The following ZNF84 variants were observed in gnomAD, a reference collection of about 807,000 sequenced individuals.
ZNF84 encodes the protein zinc finger protein HPF2.
ZNF84 carries 12 observed loss-of-function variants against 14.8 expected under a neutral mutation model. The ratio of observed to expected loss-of-function variants is 0.81; its 90% CI spans 0.52 to 1.31. ZNF84 has a LOEUF of 1.31. Ranked by LOEUF, ZNF84 falls within the 50% of genes most tolerant of loss-of-function variation. The pLI is 0.00. For missense variants in ZNF84, 859 were observed against 878.6 expected, an observed-to-expected ratio of 0.98 and a Z score of 0.28; for synonymous variants, 347 against 291.1, an observed-to-expected ratio of 1.19 and a Z score of -1.96.
chr12:133,038,424 G>A (rs1953826811), intron 1 of ZNF84, among the ~76,000 whole-genome samples: 1 of 150,414 alleles, frequency 6.6e-6, no homozygotes, highest in Non-Finnish European at 1.5e-5. Flanking sequence ...GGCCCGGTGT[G>A]GTAGGGCATG....
chr12:133,050,016 T>G (rs1310433346), intron 4 of ZNF84, among the ~76,000 whole-genome samples: 2 of 152,220 alleles, frequency 1.3e-5, no homozygotes, highest in Admixed American at 6.5e-5. Context: ...CAGTTGAACC[T>G]CTTTACTCAT....
intron 2 of ZNF84, among the ~76,000 whole-genome samples, chr12:133,042,602 C>T (rs1953905937): frequency 6.6e-6 from 1 of 152,168 alleles, no homozygotes; most frequent in African/African-American, 2.4e-5. Flanking sequence ...AGTCTTGGAA[C>T]ATCTCCTTTG....
At position 133,057,634 on chromosome 12, in the gene ZNF84, A is replaced by G. The variant is rs1954184004; in HGVS notation, c.919A>G (p.Ile307Val). The G allele has an allele frequency of 3.1e-6, 5 of 1,613,730 alleles. No homozygotes were observed. The East Asian group carries it at 6.7e-5, about 22-fold the overall frequency. ...GKAFSRKSHL[I>V]SHWRTHTGEK... ...AGCCTTCTCCCGGAAGTCACATCTC[A>G]TATCGCATTGGAGAACACACACAGG... Residue 307 changes from isoleucine (I) to valine (V), a missense_variant, in exon 5 of 5, where the codon ATA becomes GTA. Physicochemically the swap from Ile to Val is conservative, Grantham distance 29. Coordinates refer to ENST00000539354, the MANE Select transcript of ZNF84 (RefSeq NM_001289971.2).
At chr12:133,055,994 A>T (rs1954149770) in intron 4 of ZNF84, among the ~76,000 whole-genome samples, 1 of 152,190 alleles carries the variant, frequency 6.6e-6, no homozygotes. Flanking sequence ...CCAACTACTC[A>T]GGCAGTTAAG....
At position 133,054,569 on chromosome 12, in the gene ZNF84, G is replaced by A. The variant is rs79241848; in HGVS notation, c.239-2385G>A. 1.3e-3 allele frequency among the ~76,000 whole-genome samples: 192 copies of A among 150,238 alleles called. 1 individual carries two copies. Among genetic ancestry groups the A allele is most frequent in the African/African-American group, 4.5e-3 (183 of 40,976 alleles). ...GATTTTAAAGTTCTGTGCCTGAATA[G>A]TTTAGATGAAAGATGATATGGTTTT... On this transcript the variant is annotated intron_variant, in intron 4 of 4. Transcript: ENST00000539354.
At chr12:133,052,858 TG>T (rs1954095917) in intron 4 of ZNF84, among the ~76,000 whole-genome samples, 1 of 152,208 alleles carries the variant, frequency 6.6e-6, no homozygotes, top group African/African-American at 2.4e-5. Flanking sequence ...TGGGGAAAAG[TG>T]TCTCCAAAAG....
In ZNF84 at chr12:133,058,938, C is replaced by T. The variant is rs1228245923; in HGVS notation, c.*6C>T. 6.3e-6 allele frequency: 10 copies of T among 1,585,464 alleles called. No homozygotes were observed. The highest frequency in any genetic ancestry group is 1.3e-5 in the African/African-American group (1 of 74,088). On this transcript the variant is annotated 3_prime_UTR_variant, in exon 5 of 5. Coordinates refer to ENST00000539354, the MANE Select transcript of ZNF84 (RefSeq NM_001289971.2). ...ATACAGTAAAAAAATCCTAGGAATA[C>T]AGTTAATAGTAGTCTTTGACAGATC...
rs1954174180 is a variant in ZNF84 at position 133,057,179 on chromosome 12, CAG to C, written c.466_467del (p.Asp156Ter). 2.5e-6 allele frequency: 4 copies of C among 1,611,216 alleles called. No individual in the cohort carries two copies. The highest frequency in any genetic ancestry group is 3.4e-6 in the Non-Finnish European group (4 of 1,179,384). On this transcript the variant is annotated frameshift_variant, in exon 5 of 5. Transcript: ENST00000539354. LOFTEE classifies it low-confidence loss of function (END_TRUNC). ...AAAGGAGATTATGGAAAAGCAGAAT[CAG>C]ATGACTTTAATGTGTTTGATAATTT...
At chr12:133,053,835 A>T (rs1015038868) in intron 4 of ZNF84, among the ~76,000 whole-genome samples, 1 of 152,116 alleles carries the variant, frequency 6.6e-6, no homozygotes, top group African/African-American at 2.4e-5. Flanking sequence ...ACCATAATCT[A>T]CCAAATTGTT....
At position 133,056,251 on chromosome 12, in the gene ZNF84, A is replaced by T. The variant is rs1003917787; in HGVS notation, c.239-703A>T. The stretch of plus-strand genomic sequence containing the variant: ...TATAATGACAGGAACTTATTTTTTT[A>T]TTTTTTATTTTTATTTTTTTGAGAT... On this transcript the variant is annotated intron_variant, in intron 4 of 4. Transcript: ENST00000539354. 8.5e-3 allele frequency among the ~76,000 whole-genome samples: 1,289 copies of T among 151,578 alleles called. 18 individuals are homozygous for T. Among genetic ancestry groups the T allele is most frequent in the African/African-American group, 0.028 (1,175 of 41,296 alleles).
chr12:133,055,954 A>G (rs1262513067), intron 4 of ZNF84, among the ~76,000 whole-genome samples: 1 of 152,178 alleles, frequency 6.6e-6, no homozygotes, highest in African/African-American at 2.4e-5. Context: ...AAAAAAAATT[A>G]TCTGGGCATG....
At chr12:133,056,121 A>G (rs940942323) in intron 4 of ZNF84, among the ~76,000 whole-genome samples, 5 of 152,218 alleles carry the variant, frequency 3.3e-5, no homozygotes, top group South Asian at 2.1e-4. Context: ...TAAGCTTGAA[A>G]TGACTAATCA....
chr12:133,051,195 A>G (rs1006536210), intron 4 of ZNF84, among the ~76,000 whole-genome samples: 14 of 151,228 alleles, frequency 9.3e-5, no homozygotes, highest in Admixed American at 1.3e-4. Context: ...TTTAGTTGAG[A>G]TCCACTCACC....
At chr12:133,054,913 A>G (rs1429129593) in intron 4 of ZNF84, among the ~76,000 whole-genome samples, 1 of 152,140 alleles carries the variant, frequency 6.6e-6, no homozygotes, top group South Asian at 2.1e-4. Flanking sequence ...GCATTCTTCA[A>G]ATACAAGATT....
intron 2 of ZNF84, among the ~76,000 whole-genome samples, chr12:133,047,220 T>C (rs1953998638): frequency 6.6e-6 from 1 of 152,082 alleles, no homozygotes; most frequent in South Asian, 2.1e-4. Context: ...TCTGTGAAAG[T>C]TGTCAGAATC....
At chr12:133,046,027 G>A (rs1953972803) in intron 2 of ZNF84, among the ~76,000 whole-genome samples, 1 of 151,836 alleles carries the variant, frequency 6.6e-6, no homozygotes, top group Non-Finnish European at 1.5e-5. Context: ...ATTGTGTGCT[G>A]TGAGGGTCAA....
chr12:133,047,941 T>C lies in ZNF84; in HGVS notation c.16-14T>C, dbSNP rs1207454800. On this transcript the variant is annotated splice_polypyrimidine_tract_variant and intron_variant, in intron 2 of 4. Coordinates refer to ENST00000539354, the MANE Select transcript of ZNF84 (RefSeq NM_001289971.2). ...GTTAACTGCTTCAGATTTACCAGGATTGTGCTCTTACAGGAGTCATTCTCA... is the reference window on the plus strand; with the variant it reads ...GTTAACTGCTTCAGATTTACCAGGACTGTGCTCTTACAGGAGTCATTCTCA... 7 of 1,613,518 alleles carry C rather than the reference T, an allele frequency of 4.3e-6. No homozygotes were observed. Among genetic ancestry groups the C allele is most frequent in the Non-Finnish European group, 5.1e-6 (6 of 1,179,604 alleles).
chr12:133,041,492 T>C lies in ZNF84; in HGVS notation c.15+10T>C. On this transcript the variant is annotated intron_variant, in intron 2 of 4. Coordinates refer to ENST00000539354, the MANE Select transcript of ZNF84 (RefSeq NM_001289971.2). ...AATGACCATGTTACAGGTGAGTTGA[T>C]TGTTGAGTTCTTATTTTTTCCCAGG... 6.2e-7 allele frequency: 1 copy of C among 1,613,928 alleles called. No homozygotes were observed. Among genetic ancestry groups the C allele is most frequent in the Non-Finnish European group, 8.5e-7 (1 of 1,179,838 alleles).
At chr12:133,044,746 T>A (rs1442336601) in intron 2 of ZNF84, among the ~76,000 whole-genome samples, 13 of 151,806 alleles carry the variant, frequency 8.6e-5, no homozygotes, top group Non-Finnish European at 1.5e-4. Context: ...AAAGCCCATC[T>A]CTATAATAAT....
Sources: allele counts gnomAD v4.1 joint callset (sites outside exome capture counted in the v4.1 genomes callset), GRCh38; gene constraint gnomAD v4.1.1; transcripts MANE v1.5; gene names NCBI Gene and HGNC (gene_info 2026-07-23, HGNC 2026-07-21).